Variants in SHB observed in about 807,000 individuals in gnomAD.
SHB encodes SH2 domain-containing adapter protein B.
In SHB, 20 loss-of-function variants were observed where a neutral mutation model predicts 52.3. That is an observed-to-expected ratio of 0.38 (90% CI 0.27 to 0.56). SHB has a LOEUF of 0.56. Among genes scored for constraint, SHB ranks in the 20% least tolerant of loss-of-function variants. SHB has a pLI of 0.71. For missense variants in SHB, 825 were observed against 723.3 expected (o/e 1.14, Z -1.61); for synonymous variants, 397 against 316.5 (o/e 1.25, Z -2.70).
chr9:37,984,162 G>T (rs772393179), intron 2 of SHB, among the ~76,000 whole-genome samples: 1 of 152,190 alleles, frequency 6.6e-6, no homozygotes, highest in Non-Finnish European at 1.5e-5. Context: ...CCATTTCAAC[G>T]ACCACTCCTG....
At chr9:38,040,144 C>T (rs1270395100) in intron 1 of SHB, among the ~76,000 whole-genome samples, 1 of 152,212 alleles carries the variant, frequency 6.6e-6, no homozygotes, top group African/African-American at 2.4e-5. Context: ...GAAGGCGACT[C>T]CTTCCAAGGC....
chr9:38,062,668 C>T (rs926039521), intron 1 of SHB, among the ~76,000 whole-genome samples: 6 of 152,190 alleles, frequency 3.9e-5, no homozygotes, highest in African/African-American at 9.7e-5. Context: ...ATACCCACCC[C>T]ACCCCCAGTG....
At chr9:38,057,981 G>A (rs1041902761) in intron 1 of SHB, among the ~76,000 whole-genome samples, 2 of 152,232 alleles carry the variant, frequency 1.3e-5, no homozygotes, top group Non-Finnish European at 2.9e-5. Context: ...AACATAGCAG[G>A]TGGCCTCTTT....
rs1382441137 is a variant in SHB at position 37,917,014 on chromosome 9, T to TC, written c.*2806dup. On this transcript the variant is annotated 3_prime_UTR_variant, in exon 6 of 6. Coordinates refer to ENST00000377707, the MANE Select transcript of SHB (RefSeq NM_003028.3). The stretch of plus-strand genomic sequence containing the variant: ...CTCAAAGAAATCCAGCTCAATTTTT[T>TC]CCCCAATTAATTGGCAGCAGATGAA... 6.9e-6 allele frequency among the ~76,000 whole-genome samples: 1 copy of TC among 145,972 alleles called. No individual in the cohort carries two copies. Among genetic ancestry groups the TC allele is most frequent in the Non-Finnish European group, 1.5e-5 (1 of 66,914 alleles).
Position 38,023,453 on chromosome 9 carries a change from G to C in SHB, c.718-7322C>G, listed in dbSNP as rs7028964. 6.1e-3 allele frequency among the ~76,000 whole-genome samples: 931 copies of C among 152,314 alleles called. 12 individuals carry two copies. The highest frequency in any genetic ancestry group is 0.021 in the African/African-American group (892 of 41,570). Reference sequence around the variant, plus strand: ...GAGCAGATGGCACCTCCAGGATGAAGGTAAGTGCGGTGAGGGGCAAAAGCA... The same window carrying C: ...GAGCAGATGGCACCTCCAGGATGAACGTAAGTGCGGTGAGGGGCAAAAGCA... On this transcript the variant is annotated intron_variant, in intron 1 of 5. Transcript: ENST00000377707.
intron 1 of SHB, among the ~76,000 whole-genome samples, chr9:38,055,048 C>T (rs930074468): frequency 6.6e-6 from 1 of 152,162 alleles, no homozygotes; most frequent in Non-Finnish European, 1.5e-5. Flanking sequence ...GCTGTATCTC[C>T]AGAAATTAAT....
At chr9:38,017,977 G>A (rs1284392885) in intron 1 of SHB, among the ~76,000 whole-genome samples, 1 of 152,198 alleles carries the variant, frequency 6.6e-6, no homozygotes, top group Non-Finnish European at 1.5e-5. Context: ...CAGAGTTCAA[G>A]GGGCCAGACA....
intron 5 of SHB, chr9:37,936,842 G>A (rs1233678648): frequency 2.0e-5 from 3 of 152,170 alleles, no homozygotes; most frequent in Admixed American, 6.5e-5. Flanking sequence ...ACTTCCAAGG[G>A]AAAACTGAAC....
chr9:38,051,440 T>TA lies in SHB; in HGVS notation c.717+16488dup, dbSNP rs59860349. Among the ~76,000 whole-genome samples the TA allele has an allele frequency of 7.6e-3, 818 of 107,482 alleles. 6 individuals carry two copies. The highest frequency in any genetic ancestry group is 0.014 in the East Asian group (49 of 3,410). The allele number at this position is 107,482 out of a possible 152,430, so 70.5% of individuals were successfully genotyped here. On this transcript the variant is annotated intron_variant, in intron 1 of 5. Transcript: ENST00000377707. Reference sequence around the variant, plus strand: ...CCTGGTGACAGAGTGAGACTCCGTCTAAAAAAAAAAAAAAAAAAAAAAAAT... The same window carrying TA: ...CCTGGTGACAGAGTGAGACTCCGTCTAAAAAAAAAAAAAAAAAAAAAAAAAT...
chr9:38,026,309 G>C (rs1821343505), intron 1 of SHB, among the ~76,000 whole-genome samples: 1 of 152,260 alleles, frequency 6.6e-6, no homozygotes, highest in Non-Finnish European at 1.5e-5. Context: ...CAAGGTTAAA[G>C]GGGAGAAAGA....
intron 2 of SHB, among the ~76,000 whole-genome samples, chr9:37,982,094 T>TAAA (rs59247175): frequency 7.1e-6 from 1 of 141,224 alleles, no homozygotes; most frequent in Non-Finnish European, 1.5e-5. Flanking sequence ...CTTCATTTTG[T>TAAA]AAAAAAAAAA....
At chr9:37,944,945 C>G (rs1832475535) in intron 5 of SHB, among the ~76,000 whole-genome samples, 2 of 152,340 alleles carry the variant, frequency 1.3e-5, no homozygotes, top group South Asian at 4.1e-4. Context: ...AAGACACAGG[C>G]TGGCCTGGCC....
intron 5 of SHB, among the ~76,000 whole-genome samples, chr9:37,935,066 A>G (rs1340276935): frequency 6.6e-6 from 1 of 152,198 alleles, no homozygotes; most frequent in Non-Finnish European, 1.5e-5. Context: ...CAGAACAGGA[A>G]AATGTATTTT....
At chr9:37,946,818 G>C (rs1432638728) in intron 5 of SHB, among the ~76,000 whole-genome samples, 1 of 152,230 alleles carries the variant, frequency 6.6e-6, no homozygotes, top group Non-Finnish European at 1.5e-5. Flanking sequence ...CAGATGGGGA[G>C]GGAGACAGAG....
rs1370290927 is a variant in SHB, at chr9:37,917,593, G to A, written c.*2228C>T. Among the ~76,000 whole-genome samples, 1 of 152,114 alleles carries A rather than the reference G, an allele frequency of 6.6e-6. No homozygotes were observed. Among genetic ancestry groups the A allele is most frequent in the Non-Finnish European group, 1.5e-5 (1 of 68,012 alleles). On this transcript the variant is annotated 3_prime_UTR_variant, in exon 6 of 6. Coordinates refer to ENST00000377707, the MANE Select transcript of SHB (RefSeq NM_003028.3). ...CCCCCTCTTCCTCAGCCTCTCTTGG[G>A]CCTCCTCTGAGAATAAGCCTTGGGG...
intron 2 of SHB, among the ~76,000 whole-genome samples, chr9:37,991,909 A>G (rs1286488111): frequency 6.6e-6 from 1 of 152,232 alleles, no homozygotes; most frequent in Non-Finnish European, 1.5e-5. Flanking sequence ...GGTTACAGGC[A>G]GCACCACGAC....
chr9:37,997,082 T>TA (rs141710871), intron 2 of SHB, among the ~76,000 whole-genome samples: 2,079 of 152,286 alleles, frequency 0.014, 18 homozygotes, highest in Middle Eastern at 0.034. Flanking sequence ...CAACTCCAGA[T>TA]AGTCCTGTGG....
At chr9:38,031,104 G>A (rs1278251444) in intron 1 of SHB, among the ~76,000 whole-genome samples, 3 of 152,184 alleles carry the variant, frequency 2.0e-5, no homozygotes, top group Non-Finnish European at 2.9e-5. Context: ...GGAGCATCAC[G>A]AGGTCAGGAG....
chr9:38,015,519 T>A (rs1317534013), intron 2 of SHB: 1 of 698,700 alleles, frequency 1.4e-6, no homozygotes, highest in Admixed American at 2.0e-5. Flanking sequence ...TGCTTCCAGC[T>A]CCAAAACAAA....
Sources: allele counts gnomAD v4.1 joint callset (sites outside exome capture counted in the v4.1 genomes callset), GRCh38; gene constraint gnomAD v4.1.1; transcripts MANE v1.5; gene names NCBI Gene and HGNC (gene_info 2026-07-23, HGNC 2026-07-21).